Variants in NXPE4 observed in about 807,000 individuals in gnomAD.
NXPE4 encodes the protein neurexophilin and PC-esterase domain family member 4.
In NXPE4, 42 loss-of-function variants were observed where a neutral mutation model predicts 33.3. That is an observed-to-expected ratio of 1.26 (90% CI 0.98 to 1.63). The LOEUF is 1.63. Ranked by LOEUF, NXPE4 falls within the 40% of genes most tolerant of loss-of-function variation. NXPE4 has a pLI of 0.00. For synonymous variants in NXPE4, 253 were observed against 234.9 expected (o/e 1.08, Z -0.71); for missense variants, 709 against 647.6 (o/e 1.09, Z -1.03).
chr11:114,620,181 C>T, the NXPE4 span, among the ~76,000 whole-genome samples: 2 of 151,920 alleles, frequency 1.3e-5, no homozygotes, highest in Admixed American at 6.6e-5. Flanking sequence ...CATGGGTAAC[C>T]ACCATTACCC....
chr11:114,636,481 T>C, the NXPE4 span, among the ~76,000 whole-genome samples: 54 of 152,104 alleles, frequency 3.6e-4, no homozygotes, highest in South Asian at 0.011. Flanking sequence ...GCTCTGATTT[T>C]AGTTATTTCT....
At chr11:114,606,068 T>C in the NXPE4 span, among the ~76,000 whole-genome samples, 15 of 150,742 alleles carry the variant, frequency 1.0e-4, no homozygotes, top group Non-Finnish European at 2.2e-4. Context: ...ACCACTGTTA[T>C]GCACTGAATA....
chr11:114,625,484 T>A, the NXPE4 span, among the ~76,000 whole-genome samples: 1 of 152,172 alleles, frequency 6.6e-6, no homozygotes, highest in Non-Finnish European at 1.5e-5. Flanking sequence ...GGATAATATG[T>A]ATGGCCTCGT....
intron 2 of NXPE4, chr11:114,583,252 G>C: frequency 1.5e-6 from 1 of 673,656 alleles, no homozygotes; most frequent in South Asian, 1.7e-5. Flanking sequence ...AAGTGAGCAA[G>C]ATGGCGCAAA....
chr11:114,669,156 C>G, the NXPE4 span, among the ~76,000 whole-genome samples: 1 of 152,072 alleles, frequency 6.6e-6, no homozygotes, highest in Non-Finnish European at 1.5e-5. Context: ...GGACCCTCTC[C>G]CCAGTGGAAC....
intron 1 of NXPE4, among the ~76,000 whole-genome samples, chr11:114,595,151 T>C (rs891275117): frequency 1.3e-5 from 2 of 152,158 alleles, no homozygotes; most frequent in Non-Finnish European, 2.9e-5. Flanking sequence ...CAGCAAATAT[T>C]AACACTGAGA....
the NXPE4 span, among the ~76,000 whole-genome samples, chr11:114,630,757 T>G: frequency 6.6e-6 from 1 of 151,478 alleles, no homozygotes; most frequent in Non-Finnish European, 1.5e-5. Flanking sequence ...TGGGAGAAAA[T>G]CTTCGCAACC....
chr11:114,666,058 A>G, the NXPE4 span, among the ~76,000 whole-genome samples: 1 of 152,082 alleles, frequency 6.6e-6, no homozygotes, highest in Non-Finnish European at 1.5e-5. Context: ...TCCTTCCAGT[A>G]TTCAGGTTCA....
chr11:114,666,006 T>G, the NXPE4 span, among the ~76,000 whole-genome samples: 5 of 152,092 alleles, frequency 3.3e-5, no homozygotes, highest in African/African-American at 1.2e-4. Context: ...GGTTTCCGAT[T>G]CCAGTGCCCT....
intron 5 of NXPE4, 40 bp from the exon 6 acceptor site, chr11:114,571,513 T>C (rs1056682463): frequency 1.3e-6 from 2 of 1,518,972 alleles, no homozygotes; most frequent in African/African-American, 2.8e-5. Context: ...AAGGAGGATA[T>C]AGTTACCAAG....
At chr11:114,601,190 C>A in the NXPE4 span, among the ~76,000 whole-genome samples, 1 of 151,468 alleles carries the variant, frequency 6.6e-6, no homozygotes, top group East Asian at 1.9e-4. Flanking sequence ...GTACCTGTCA[C>A]TCAAATAGCA....
the NXPE4 span, among the ~76,000 whole-genome samples, chr11:114,650,711 A>G: frequency 6.6e-6 from 1 of 152,170 alleles, no homozygotes; most frequent in Middle Eastern, 3.4e-3. Context: ...AGGGCAGGCA[A>G]CTCCCACCCA....
chr11:114,659,839 G>A, the NXPE4 span, among the ~76,000 whole-genome samples: 1 of 151,998 alleles, frequency 6.6e-6, no homozygotes, highest in Non-Finnish European at 1.5e-5. Context: ...AGTAATCAAT[G>A]AAATTAAAAA....
intron 2 of NXPE4, among the ~76,000 whole-genome samples, chr11:114,590,003 T>C (rs930872448): frequency 1.3e-5 from 2 of 152,240 alleles, no homozygotes; most frequent in Non-Finnish European, 1.5e-5. Flanking sequence ...TTCTGCATAC[T>C]GTTACATCCT....
the NXPE4 span, among the ~76,000 whole-genome samples, chr11:114,659,440 A>G: frequency 6.6e-6 from 1 of 151,990 alleles, no homozygotes; most frequent in African/African-American, 2.4e-5. Flanking sequence ...AAACAAAAAA[A>G]AGAGAAAAAA....
the NXPE4 span, among the ~76,000 whole-genome samples, chr11:114,603,992 C>T: frequency 1.3e-5 from 2 of 151,530 alleles, no homozygotes; most frequent in Non-Finnish European, 2.9e-5. Flanking sequence ...ATAAGTATTG[C>T]CTCGTCTCCT....
chr11:114,652,733 A>G, the NXPE4 span, among the ~76,000 whole-genome samples: 1 of 146,672 alleles, frequency 6.8e-6, no homozygotes, highest in African/African-American at 2.5e-5. Context: ...GAAGAGTGAT[A>G]GAGCACAGTC....
the NXPE4 span, among the ~76,000 whole-genome samples, chr11:114,663,613 CT>C: frequency 1.0e-5 from 1 of 98,268 alleles, no homozygotes; most frequent in Non-Finnish European, 2.2e-5. Flanking sequence ...ATCTATCTAT[CT>C]ATCTATCTAT....
chr11:114,613,794 G>A, the NXPE4 span, among the ~76,000 whole-genome samples: 6 of 151,710 alleles, frequency 4.0e-5, no homozygotes, highest in South Asian at 2.1e-4. Flanking sequence ...ACAGTTAGCC[G>A]GTGGATAATA....
Sources: gnomAD v4.1 joint callset for allele counts (sites outside exome capture counted in the v4.1 genomes callset) on GRCh38, gnomAD v4.1.1 for gene constraint, MANE v1.5 for transcripts, NCBI Gene and HGNC (gene_info 2026-07-23, HGNC 2026-07-21) for gene names.